RALGAPB: variants seen among roughly 807,000 people sequenced by gnomAD.
RALGAPB encodes the protein ral GTPase-activating protein subunit beta.
Under a neutral mutation model 161.1 loss-of-function variants are expected in RALGAPB, and 25 were observed. That is an observed-to-expected ratio of 0.16 (90% confidence interval 0.11 to 0.22). The LOEUF (loss-of-function observed/expected upper bound fraction) is 0.22. Among genes scored for constraint, RALGAPB ranks in the 10% least tolerant of loss-of-function variants. The pLI is 1.00. For synonymous variants in RALGAPB, 629 were observed against 626.1 expected, an observed-to-expected ratio of 1.00 and a Z score of -0.07; for missense variants, 1,391 against 1,815.2, an observed-to-expected ratio of 0.77 and a Z score of 4.25.
chr20:38,526,065 G>GT, intron 13 of RALGAPB, 23 bp downstream of exon 13: 1 of 1,612,620 alleles, frequency 6.2e-7, no homozygotes, highest in Non-Finnish European at 8.5e-7. Flanking sequence ...ACGTTATTTT[G>GT]TAAGTGAAAC....
Position 38,517,771 on chromosome 20 carries a change from G to T in RALGAPB, c.1201-13G>T. 6.2e-7 allele frequency: 1 copy of T among 1,608,210 alleles called. No homozygotes were observed. Among genetic ancestry groups the T allele is most frequent in the South Asian group, 1.1e-5 (1 of 90,940 alleles). ...TTCATTGGTATGGGTGTATTCTTGT[G>T]TTCGTCTAATAGGTTAGTACTGCTC... On this transcript the variant is annotated splice_polypyrimidine_tract_variant and intron_variant, in intron 8 of 29. Transcript: ENST00000262879.
chr20:38,499,503 T>C lies in RALGAPB; in HGVS notation c.610T>C (p.Leu204=). The change falls in exon 5 of 30, where the codon TTA becomes CTA. Residue 204 remains leucine (L), a synonymous_variant. Coordinates refer to ENST00000262879, the MANE Select transcript of RALGAPB (RefSeq NM_020336.4). The part of the protein sequence containing the change: ...KLIGVLFEVW[L]LACTRCFPTP... Reference sequence around the variant, plus strand: ...GATTGGTGTTCTCTTTGAGGTGTGGTTACTAGCTTGTACTCGGTGCTTCCC... The same window carrying C: ...GATTGGTGTTCTCTTTGAGGTGTGGCTACTAGCTTGTACTCGGTGCTTCCC... 6.2e-7 allele frequency: 1 copy of C among 1,613,876 alleles called. No homozygotes were observed. The highest frequency in any genetic ancestry group is 8.5e-7 in the Non-Finnish European group (1 of 1,179,900).
Position 38,532,725 on chromosome 20 carries a change from A to G in RALGAPB, c.2116-5A>G, listed in dbSNP as rs2086691507. ...TCCTCACTTGATTCATTTTCATTTG[A>G]CTAGGGTGGTGGAGAAAATAACCTG... is the stretch of plus-strand genomic sequence containing the variant. On this transcript the variant is annotated splice_polypyrimidine_tract_variant and splice_region_variant and intron_variant, in intron 14 of 29. Transcript: ENST00000262879. 1.2e-6 allele frequency: 2 copies of G among 1,613,206 alleles called. No homozygotes were observed. Among genetic ancestry groups the G allele is most frequent in the Admixed American group, 3.3e-5 (2 of 59,964 alleles).
At chr20:38,562,052 C>CAT (rs2087803161) in intron 23 of RALGAPB, among the ~76,000 whole-genome samples, 1 of 152,222 alleles carries the variant, frequency 6.6e-6, no homozygotes, top group Non-Finnish European at 1.5e-5. Context: ...AGGATATTTT[C>CAT]ATACTCATTT....
chr20:38,570,807 A>G lies in RALGAPB; in HGVS notation c.4102A>G (p.Thr1368Ala). Residue 1368 changes from threonine to alanine, a missense_variant, in exon 28 of 30, where the codon ACT becomes GCT. By Grantham distance (58) the Thr-to-Ala change is moderately conservative. Around this residue, in one of 3 missense-constraint regions of RALGAPB, gnomAD observed 436 missense variants for 527.0 expected, o/e 0.83. Transcript: ENST00000262879. ...PLSELMTEIS[T>A]GVETTANSST... is the part of the protein sequence containing the mutation. The stretch of plus-strand genomic sequence containing the variant: ...CTCAGAGCTGATGACAGAGATCAGT[A>G]CTGGTGTGGAAACTACTGCAAATAG... 1 of 1,609,988 alleles carries G rather than the reference A, an allele frequency of 6.2e-7. No homozygotes were observed. The highest frequency in any genetic ancestry group is 8.5e-7 in the Non-Finnish European group (1 of 1,176,692).
chr20:38,527,222 G>GGATC (rs1280018856), intron 13 of RALGAPB, among the ~76,000 whole-genome samples: 6 of 152,088 alleles, frequency 3.9e-5, no homozygotes, highest in Non-Finnish European at 5.9e-5. Context: ...TTCAAAAGTG[G>GGATC]GATCAGACAT....
intron 26 of RALGAPB, 127 bp downstream of exon 26, chr20:38,567,359 T>G (rs2088044929): frequency 1.6e-6 from 2 of 1,253,254 alleles, no homozygotes. Flanking sequence ...AGTAACTTAA[T>G]TTTTTAAAAT....
intron 4 of RALGAPB, among the ~76,000 whole-genome samples, chr20:38,498,029 A>G (rs370103115): frequency 4.7e-5 from 7 of 149,614 alleles, no homozygotes; most frequent in African/African-American, 1.7e-4. Flanking sequence ...AGATCGTGCC[A>G]CTGCTCTCCA....
rs1445439783 is a variant in RALGAPB, at chr20:38,575,943, ACTAATTCAGATCTCT to A, written c.*978_*992del. On this transcript the variant is annotated 3_prime_UTR_variant, in exon 30 of 30. Coordinates refer to ENST00000262879, the MANE Select transcript of RALGAPB (RefSeq NM_020336.4). Reference sequence around the variant, plus strand: ...GGTTCAGGAATAGCCTCTCAACGCTACTAATTCAGATCTCTCCCAGAGAACTACTGGATTTCCTCA... The same window carrying A: ...GGTTCAGGAATAGCCTCTCAACGCTACCCAGAGAACTACTGGATTTCCTCA... 6.6e-6 allele frequency: 1 copy of A among 152,518 alleles called. No homozygotes were observed. The highest frequency in any genetic ancestry group is 1.5e-5 in the Non-Finnish European group (1 of 68,032). 9.4% of individuals were successfully genotyped at this position (152,518 alleles called of 1,614,324 possible).
At chr20:38,491,897 T>C (rs2085291635) in intron 2 of RALGAPB, among the ~76,000 whole-genome samples, 1 of 152,234 alleles carries the variant, frequency 6.6e-6, no homozygotes, top group African/African-American at 2.4e-5. Flanking sequence ...TTGGTGATCA[T>C]GCTTCTCTTT....
chr20:38,564,657 G>T (rs1024139044), intron 24 of RALGAPB, among the ~76,000 whole-genome samples: 2 of 152,088 alleles, frequency 1.3e-5, no homozygotes, highest in Non-Finnish European at 2.9e-5. Context: ...TGTTAATTCA[G>T]TCTTCCTGGC....
intron 13 of RALGAPB, among the ~76,000 whole-genome samples, chr20:38,530,550 G>T (rs527923938): frequency 8.6e-5 from 13 of 151,150 alleles, no homozygotes; most frequent in African/African-American, 3.2e-4. Flanking sequence ...GAGCTAGTAT[G>T]CCCGGCCAAT....
At chr20:38,514,471 T>C (rs1353785687) in intron 6 of RALGAPB, among the ~76,000 whole-genome samples, 1 of 152,258 alleles carries the variant, frequency 6.6e-6, no homozygotes, top group Non-Finnish European at 1.5e-5. Context: ...ATTAGGTCTC[T>C]GGCAGGCATC....
At chr20:38,543,255 C>T (rs1465195030) in intron 18 of RALGAPB, among the ~76,000 whole-genome samples, 1 of 152,238 alleles carries the variant, frequency 6.6e-6, no homozygotes, top group Non-Finnish European at 1.5e-5. Context: ...AGTATCATTG[C>T]TGTTTGCCAG....
chr20:38,552,595 G>A (rs1372117868), intron 21 of RALGAPB, among the ~76,000 whole-genome samples: 1 of 152,178 alleles, frequency 6.6e-6, no homozygotes, highest in Non-Finnish European at 1.5e-5. Flanking sequence ...AGGCAGTAGG[G>A]TCAAGAGTCT....
At chr20:38,497,024 A>G (rs1288011843) in intron 3 of RALGAPB, among the ~76,000 whole-genome samples, 1 of 152,222 alleles carries the variant, frequency 6.6e-6, no homozygotes, top group African/African-American at 2.4e-5. Context: ...TTGTTCATTC[A>G]ACAAAAACCT....
chr20:38,567,017 G>A (rs2088025743), intron 25 of RALGAPB, 79 bp from the exon 26 acceptor site: 1 of 1,523,244 alleles, frequency 6.6e-7, no homozygotes, highest in Non-Finnish European at 8.8e-7. Flanking sequence ...GGTTAGACTG[G>A]TGAGCATAAT....
intron 2 of RALGAPB, among the ~76,000 whole-genome samples, chr20:38,492,343 G>A (rs2085304016): frequency 6.6e-6 from 1 of 152,222 alleles, no homozygotes; most frequent in East Asian, 1.9e-4. Context: ...GACTCATTCA[G>A]TGCAGCTAAA....
At chr20:38,507,416 A>G (rs748351152) in intron 5 of RALGAPB, among the ~76,000 whole-genome samples, 3 of 152,054 alleles carry the variant, frequency 2.0e-5, no homozygotes, top group African/African-American at 4.8e-5. Context: ...TTTGTTGCCC[A>G]GGCTGGAGTA....
Sources: gnomAD v4.1 joint callset for allele counts (sites outside exome capture counted in the v4.1 genomes callset) on GRCh38, gnomAD v4.1.1 for gene constraint, gnomAD v4.1.1 regional missense constraint, MANE v1.5 for transcripts, NCBI Gene and HGNC (gene_info 2026-07-23, HGNC 2026-07-21) for gene names.